FRMD4A: variants seen among roughly 807,000 people sequenced by gnomAD.
The protein encoded by FRMD4A is FERM domain containing 4A.
FRMD4A carries 29 observed loss-of-function variants against 129.1 expected under a neutral mutation model. The ratio of observed to expected loss-of-function variants is 0.22; its 90% confidence interval spans 0.17 to 0.31. The LOEUF (loss-of-function observed/expected upper bound fraction) is 0.31. FRMD4A is among the 10% of genes least tolerant of loss of function. FRMD4A has a pLI of 1.00. For missense variants in FRMD4A, 1,272 were observed against 1,375.8 expected, an observed-to-expected ratio of 0.92 and a Z score of 1.19; for synonymous variants, 634 against 571.6, an observed-to-expected ratio of 1.11 and a Z score of -1.56.
intron 2 of FRMD4A, chr10:14,003,630 G>A (rs999771992): frequency 1.5e-4 from 23 of 151,116 alleles, no homozygotes; most frequent in Admixed American, 1.5e-3. Flanking sequence ...ATCTCAGGGT[G>A]TGAAGAAATA....
At chr10:14,293,557 C>T (rs1191047017) in intron 2 of FRMD4A, among the ~76,000 whole-genome samples, 1 of 151,760 alleles carries the variant, frequency 6.6e-6, no homozygotes, top group East Asian at 1.9e-4. Context: ...TCACCTAACA[C>T]TTAGCATTGT....
At chr10:14,303,772 C>T (rs1846260973) in intron 2 of FRMD4A, among the ~76,000 whole-genome samples, 1 of 152,114 alleles carries the variant, frequency 6.6e-6, no homozygotes, top group Non-Finnish European at 1.5e-5. Context: ...CCCCTTACTT[C>T]TCACCCTTGG....
intron 9 of FRMD4A, among the ~76,000 whole-genome samples, chr10:13,742,424 T>G (rs2091061956): frequency 6.6e-6 from 1 of 152,182 alleles, no homozygotes; most frequent in Non-Finnish European, 1.5e-5. Context: ...CACTCTCAGG[T>G]CTTACTCCTC....
intron 2 of FRMD4A, among the ~76,000 whole-genome samples, chr10:14,141,503 C>T (rs138113321): frequency 7.9e-5 from 12 of 152,256 alleles, no homozygotes; most frequent in Admixed American, 3.3e-4. Context: ...GTGACACTCT[C>T]GCCCCAGGGG....
intron 2 of FRMD4A, among the ~76,000 whole-genome samples, chr10:13,873,402 C>T (rs1229025172): frequency 6.6e-6 from 1 of 151,934 alleles, no homozygotes; most frequent in Non-Finnish European, 1.5e-5. Flanking sequence ...ACATGAAGAA[C>T]ACAGGATGTG....
chr10:13,698,727 G>C (rs1026790582), intron 14 of FRMD4A, among the ~76,000 whole-genome samples: 8 of 152,200 alleles, frequency 5.3e-5, no homozygotes, highest in African/African-American at 1.9e-4. Context: ...ATTGGGGAAA[G>C]CAAAACACCA....
rs1588599977 is a variant in FRMD4A at position 13,761,884 on chromosome 10, T to C, written c.442-215A>G. On this transcript the variant is annotated intron_variant, in intron 7 of 24. Transcript: ENST00000357447. The stretch of plus-strand genomic sequence containing the variant: ...TGAAACTAAACTCTAGAAACTTATA[T>C]ACAAAGTAAGTGATTCATAATGACA... 3.3e-5 allele frequency among the ~76,000 whole-genome samples: 5 copies of C among 152,374 alleles called. No individual in the cohort carries two copies. The South Asian group carries it at 8.3e-4, about 25-fold the overall frequency.
intron 6 of FRMD4A, among the ~76,000 whole-genome samples, chr10:13,777,260 A>T (rs562400037): frequency 2.0e-5 from 3 of 152,354 alleles, no homozygotes; most frequent in Admixed American, 2.0e-4. Context: ...GCCTCTCTGT[A>T]CCTACTTCCT....
intron 15 of FRMD4A, among the ~76,000 whole-genome samples, chr10:13,679,997 A>C (rs577249517): frequency 6.6e-6 from 1 of 152,328 alleles, no homozygotes; most frequent in African/African-American, 2.4e-5. Flanking sequence ...CCACTGACCC[A>C]GCAGGTTGGT....
chr10:13,953,592 T>C (rs1366706486), intron 2 of FRMD4A, among the ~76,000 whole-genome samples: 1 of 152,198 alleles, frequency 6.6e-6, no homozygotes, highest in Non-Finnish European at 1.5e-5. Context: ...AGTCACCTAG[T>C]AGCCATCTTG....
At chr10:13,849,557 T>C (rs1190248154) in intron 3 of FRMD4A, among the ~76,000 whole-genome samples, 1 of 151,534 alleles carries the variant, frequency 6.6e-6, no homozygotes, top group Admixed American at 6.6e-5. Flanking sequence ...CTTGGCTCAC[T>C]GCAACCTCCA....
At chr10:14,045,456 C>T (rs981146129) in intron 2 of FRMD4A, among the ~76,000 whole-genome samples, 16 of 152,034 alleles carry the variant, frequency 1.1e-4, no homozygotes, top group African/African-American at 3.9e-4. Flanking sequence ...TACGCACACA[C>T]TTTGCCCCCT....
intron 2 of FRMD4A, among the ~76,000 whole-genome samples, chr10:14,098,041 AAATT>A (rs1367360899): frequency 6.6e-5 from 6 of 91,410 alleles, no homozygotes; most frequent in East Asian, 4.5e-4. Context: ...GATTATATAT[AAATT>A]ATTTATTATA....
intron 2 of FRMD4A, among the ~76,000 whole-genome samples, chr10:13,867,380 C>A (rs922289279): frequency 6.6e-6 from 1 of 151,676 alleles, no homozygotes; most frequent in Non-Finnish European, 1.5e-5. Context: ...CCCACCTCAG[C>A]CTCCCAAGTA....
intron 2 of FRMD4A, among the ~76,000 whole-genome samples, chr10:13,868,407 A>G (rs2131074967): frequency 6.6e-6 from 1 of 152,270 alleles, no homozygotes; most frequent in Non-Finnish European, 1.5e-5. Flanking sequence ...GAGACACCAG[A>G]AGCCTCATTC....
intron 14 of FRMD4A, among the ~76,000 whole-genome samples, chr10:13,697,204 G>T (rs1018615428): frequency 6.7e-6 from 1 of 150,094 alleles, no homozygotes; most frequent in Non-Finnish European, 1.5e-5. Context: ...CCTAGGCTGG[G>T]GGAGTGCGGT....
chr10:13,912,146 C>G (rs1378324756), intron 2 of FRMD4A, among the ~76,000 whole-genome samples: 3 of 152,010 alleles, frequency 2.0e-5, no homozygotes, highest in Non-Finnish European at 4.4e-5. Flanking sequence ...GACAATGAAC[C>G]CTTTATATTA....
chr10:13,699,224 G>GTTT (rs1168489802), intron 14 of FRMD4A, among the ~76,000 whole-genome samples: 7,041 of 75,340 alleles, frequency 0.093, 516 homozygotes, highest in Non-Finnish European at 0.12. Context: ...CTTGGTTATT[G>GTTT]TTTTTTTTTT....
At chr10:13,678,705 A>C (rs1335173652) in intron 15 of FRMD4A, among the ~76,000 whole-genome samples, 1 of 152,244 alleles carries the variant, frequency 6.6e-6, no homozygotes, top group Non-Finnish European at 1.5e-5. Context: ...CTTCGTACCC[A>C]ATTCAGTGTA....
Sources: allele counts gnomAD v4.1 joint callset (sites outside exome capture counted in the v4.1 genomes callset), GRCh38; gene constraint gnomAD v4.1.1; transcripts MANE v1.5; gene names NCBI Gene and HGNC (gene_info 2026-07-23, HGNC 2026-07-21).